Variants in MYH14 observed in about 807,000 individuals in gnomAD.
MYH14 encodes the protein myosin heavy chain 14.
A neutral mutation model predicts 255.5 loss-of-function variants in MYH14; 123 were observed. The observed-to-expected ratio is 0.48, with a 90% confidence interval of 0.42 to 0.56. The LOEUF is 0.56. Among genes scored for constraint, MYH14 ranks in the 20% least tolerant of loss-of-function variants. The pLI is 0.00. For synonymous variants in MYH14, 1,095 were observed against 1,161.2 expected (o/e 0.94, Z 1.16); for missense variants, 2,423 against 2,802.3 (o/e 0.86, Z 3.06).
In MYH14 at chr19:50,261,567, G is replaced by T. The variant is rs199992699; in HGVS notation, c.2517G>T (p.Glu839Asp). 11 of 1,602,756 alleles carry T rather than the reference G, an allele frequency of 6.9e-6. No individual in the cohort carries two copies. The African/African-American group carries it at 1.5e-4, about 22-fold the overall frequency. The change falls in exon 21 of 43, where the codon GAG becomes GAT. Residue 839 changes from glutamate (E) to aspartate (D), a missense_variant. This residue lies in a region of MYH14 where 1,513 missense variants were observed against 1,674.8 expected (regional missense o/e 0.90). Coordinates refer to ENST00000642316, the MANE Select transcript of MYH14 (RefSeq NM_001145809.2). ...GGGTCCTGGCCCAGCTGGAAGAGGA[G>T]CGAGACCTGAAGGTCACCGACATCA... ...RAGVLAQLEE[E>D]RDLKVTDIIV...
At chr19:50,270,559 GAATAA>G (rs1002556413) in intron 24 of MYH14, among the ~76,000 whole-genome samples, 1 of 149,368 alleles carries the variant, frequency 6.7e-6, no homozygotes, top group African/African-American at 2.5e-5. Flanking sequence ...AATTTAAACA[GAATAA>G]AATAAAATAA....
At chr19:50,211,274 C>T (rs2032181801) in intron 2 of MYH14, among the ~76,000 whole-genome samples, 1 of 152,036 alleles carries the variant, frequency 6.6e-6, no homozygotes, top group Non-Finnish European at 1.5e-5. Context: ...GTCAAGGCTG[C>T]AGTGAGCTAT....
At chr19:50,244,735 G>A (rs561536153) in intron 11 of MYH14, among the ~76,000 whole-genome samples, 5 of 152,106 alleles carry the variant, frequency 3.3e-5, no homozygotes, top group African/African-American at 1.2e-4. Flanking sequence ...TGCCCACCTC[G>A]GCCTCCCAAA....
chr19:50,262,022 C>T (rs899030850), intron 21 of MYH14, among the ~76,000 whole-genome samples: 1 of 152,146 alleles, frequency 6.6e-6, no homozygotes, highest in African/African-American at 2.4e-5. Flanking sequence ...GTGAGACTTC[C>T]ATGGGCATAG....
intron 39 of MYH14, among the ~76,000 whole-genome samples, chr19:50,299,341 G>A (rs904856383): frequency 2.0e-5 from 3 of 151,940 alleles, no homozygotes; most frequent in Admixed American, 6.6e-5. Flanking sequence ...AGGCCGAGGC[G>A]GGCAGATCAC....
intron 40 of MYH14, 54 bp from the exon 41 acceptor site, chr19:50,306,995 C>A: frequency 7.5e-7 from 1 of 1,339,110 alleles, no homozygotes; most frequent in Non-Finnish European, 1.0e-6. Context: ...TCTATGGGGA[C>A]AAAATCCTAG....
Position 50,276,032 on chromosome 19 carries a change from C to T in MYH14, c.3509C>T (p.Ser1170Phe). The T allele has an allele frequency of 6.2e-7, 1 of 1,612,978 alleles. No homozygotes were observed. The highest frequency in any genetic ancestry group is 1.3e-5 in the African/African-American group (1 of 75,044). ...GGGGCCCGGGCCCAGCTGCTGAAAT[C>T]CCTGCGGGAGGCTCAAGCAGCCCTG... The part of the protein sequence containing the change: ...EGGARAQLLK[S>F]LREAQAALAE... Residue 1170 changes from serine (S) to phenylalanine (F), a missense_variant, in exon 28 of 43, where the codon TCC becomes TTC. This residue lies in a region of MYH14 where 1,513 missense variants were observed against 1,674.8 expected (regional missense o/e 0.90). Transcript: ENST00000642316. The surrounding 1 kb of genome is among the most constrained non-coding windows in gnomAD (Gnocchi z 4.3).
intron 22 of MYH14, among the ~76,000 whole-genome samples, chr19:50,265,357 A>C (rs1165511342): frequency 1.3e-5 from 2 of 151,672 alleles, no homozygotes; most frequent in African/African-American, 4.9e-5. Flanking sequence ...TACAAAAAAA[A>C]AAAAAACAAA....
At position 50,245,425 on chromosome 19, in the gene MYH14, AAAAAAAAGAAGAAGAAAGAAAG is replaced by A. The variant is rs1446591597; in HGVS notation, c.1210+1094_1210+1115del. ...ACGGAGCAAGAATCTGTCTCCAAAA[AAAAAAAAGAAGAAGAAAGAAAG>A]AAAAAGAAGAAGAAAGAAAGAAAAA... On this transcript the variant is annotated intron_variant, in intron 11 of 42. Coordinates refer to ENST00000642316, the MANE Select transcript of MYH14 (RefSeq NM_001145809.2). 4.2e-5 allele frequency among the ~76,000 whole-genome samples: 3 copies of A among 71,232 alleles called. 1 individual carries two copies. Among genetic ancestry groups the A allele is most frequent in the Non-Finnish European group, 1.1e-4 (3 of 28,498 alleles). The allele number at this position is 71,232 out of a possible 152,430, so 46.7% of individuals were successfully genotyped here. A position where few individuals can be genotyped will look rare whatever the true frequency, so the allele number is the denominator to read the frequency against.
intron 16 of MYH14, among the ~76,000 whole-genome samples, chr19:50,254,314 A>T (rs149820402): frequency 8.5e-5 from 13 of 152,258 alleles, no homozygotes; most frequent in African/African-American, 2.9e-4. Context: ...GAGGGTCTTG[A>T]TCTTGTGAGC....
At chr19:50,300,451 A>G (rs2036440780) in intron 39 of MYH14, among the ~76,000 whole-genome samples, 1 of 152,026 alleles carries the variant, frequency 6.6e-6, no homozygotes, top group African/African-American at 2.4e-5. Flanking sequence ...ATTTTATTTC[A>G]CAATAAAAAG....
intron 1 of MYH14, among the ~76,000 whole-genome samples, chr19:50,205,295 G>T (rs908468308): frequency 6.6e-6 from 1 of 152,166 alleles, no homozygotes; most frequent in Non-Finnish European, 1.5e-5. Context: ...AGGGGGAGGA[G>T]CCCCTGGCGC....
rs2032802010 is a variant in MYH14, at chr19:50,221,209, C to G, written c.563-1874C>G. Among the ~76,000 whole-genome samples the G allele has an allele frequency of 6.6e-6, 1 of 152,128 alleles. No homozygotes were observed. Among genetic ancestry groups the G allele is most frequent in the Non-Finnish European group, 1.5e-5 (1 of 68,020 alleles). On this transcript the variant is annotated intron_variant, in intron 3 of 42. Transcript: ENST00000642316. This position sits in a 1 kb window ranked among gnomAD's most constrained non-coding sequence, Gnocchi z 5.3. ...GCATTTTGAGCATTCTGAGTTCTGA[C>G]TACAGCCCTGGGAGATGGCAGCTGT...
intron 24 of MYH14, 41 bp from the exon 25 acceptor site, chr19:50,271,368 A>G (rs1183152279): frequency 3.8e-6 from 6 of 1,577,186 alleles, no homozygotes; most frequent in South Asian, 2.3e-5. Context: ...CACTCCATCT[A>G]TTGGCCCAGT....
At chr19:50,271,213 T>C (rs2035286895) in intron 24 of MYH14, among the ~76,000 whole-genome samples, 196 bp from the exon 25 acceptor site, 1 of 152,120 alleles carries the variant, frequency 6.6e-6, no homozygotes, top group African/African-American at 2.4e-5. Context: ...AGGCACTCAA[T>C]AAATGCTTGT....
At chr19:50,260,538 T>G (rs1342030010) in intron 19 of MYH14, 108 bp from the exon 20 acceptor site, 1 of 720,262 alleles carries the variant, frequency 1.4e-6, no homozygotes, top group East Asian at 2.7e-5. Context: ...TTATTGTCAC[T>G]GTTGTTCCTG....
intron 22 of MYH14, among the ~76,000 whole-genome samples, chr19:50,264,427 G>C (rs1215056423): frequency 6.6e-6 from 1 of 152,154 alleles, no homozygotes; most frequent in Non-Finnish European, 1.5e-5. Context: ...AAGGCCCCAG[G>C]TAAACCAAGA....
chr19:50,288,079 C>T (rs2035950031), intron 34 of MYH14, among the ~76,000 whole-genome samples: 1 of 152,092 alleles, frequency 6.6e-6, no homozygotes, highest in South Asian at 2.1e-4. Context: ...CCCAGCCTTC[C>T]GAATGGTCAA....
Position 50,271,399 on chromosome 19 carries a change from C to T in MYH14, c.3034-10C>T, listed in dbSNP as rs1384321932. 1 of 1,596,782 alleles carries T rather than the reference C, an allele frequency of 6.3e-7. No homozygotes were observed. The highest frequency in any genetic ancestry group is 2.3e-5 in the East Asian group (1 of 44,160). On this transcript the variant is annotated splice_polypyrimidine_tract_variant and intron_variant, in intron 24 of 42. Transcript: ENST00000642316. ...CCAGTATCCTCACTCCTCCTGCCTT[C>T]CCACCCCAGGAGCTAGAGGCCCACC...
Sources: allele counts gnomAD v4.1 joint callset (sites outside exome capture counted in the v4.1 genomes callset), GRCh38; gene constraint gnomAD v4.1.1; regional missense constraint gnomAD v4.1.1; non-coding constraint Gnocchi (gnomAD v3.1); transcripts MANE v1.5; gene names NCBI Gene and HGNC (gene_info 2026-07-23, HGNC 2026-07-21).